Variants in NDUFS4 observed in about 807,000 individuals in gnomAD.
The protein encoded by NDUFS4 is NADH dehydrogenase [ubiquinone] iron-sulfur protein 4, mitochondrial.
Under a neutral mutation model 24.3 loss-of-function variants are expected in NDUFS4, and 28 were observed. The observed-to-expected ratio is 1.15, with a 90% CI of 0.85 to 1.58. The LOEUF is 1.58. NDUFS4 is among the 40% of genes most tolerant of loss of function. The probability of loss-of-function intolerance (pLI) is 0.00; values close to 1 mark genes in which losing one functional copy is unlikely to be tolerated. For synonymous variants in NDUFS4, 93 were observed against 69.7 expected (o/e 1.34, Z -1.67); for missense variants, 223 against 207.9 (o/e 1.07, Z -0.45).
At chr5:53,614,778 A>G (rs545097867) in intron 2 of NDUFS4, among the ~76,000 whole-genome samples, 1 of 152,052 alleles carries the variant, frequency 6.6e-6, no homozygotes, top group South Asian at 2.1e-4. Flanking sequence ...TGTGTATCGT[A>G]CTTGACACTT....
At chr5:53,582,239 A>AT (rs202032142) in intron 1 of NDUFS4, among the ~76,000 whole-genome samples, 10,162 of 147,608 alleles carry the variant, frequency 0.069, 461 homozygotes, top group Middle Eastern at 0.11. Context: ...ATAAAATAAA[A>AT]TAAAATTAAA....
intron 1 of NDUFS4, among the ~76,000 whole-genome samples, chr5:53,575,504 C>G (rs1313164342): frequency 7.7e-5 from 11 of 142,014 alleles, no homozygotes; most frequent in African/African-American, 2.9e-4. Context: ...TAAAATGACT[C>G]AAAATATTCT....
chr5:53,604,109 A>T (rs409313), intron 2 of NDUFS4, among the ~76,000 whole-genome samples: 53,748 of 152,038 alleles, frequency 0.35, 10,434 homozygotes, highest in African/African-American at 0.52. Context: ...CTTATAAAAT[A>T]TTTTAGAGTG....
intron 2 of NDUFS4, among the ~76,000 whole-genome samples, chr5:53,617,234 C>T (rs962788001): frequency 3.3e-5 from 5 of 152,154 alleles, no homozygotes; most frequent in African/African-American, 4.8e-5. Context: ...TTCATCTTAA[C>T]TTTGACTGCA....
intron 3 of NDUFS4, among the ~76,000 whole-genome samples, chr5:53,657,413 C>T (rs1304990698): frequency 6.6e-6 from 1 of 152,140 alleles, no homozygotes; most frequent in African/African-American, 2.4e-5. Context: ...AGAACATTGG[C>T]AGCAGTAATT....
At chr5:53,635,647 G>A (rs1179846662) in intron 2 of NDUFS4, among the ~76,000 whole-genome samples, 1 of 152,160 alleles carries the variant, frequency 6.6e-6, no homozygotes, top group African/African-American at 2.4e-5. Context: ...ATTAAAAAAT[G>A]TATTAGTTTA....
intron 1 of NDUFS4, among the ~76,000 whole-genome samples, chr5:53,594,395 C>T (rs1416752955): frequency 6.6e-6 from 1 of 152,020 alleles, no homozygotes; most frequent in Non-Finnish European, 1.5e-5. Context: ...CTTTTTCCAT[C>T]CCTTTACTTT....
chr5:53,647,798 C>G (rs1344548448), intron 3 of NDUFS4, among the ~76,000 whole-genome samples: 1 of 152,136 alleles, frequency 6.6e-6, no homozygotes, highest in Non-Finnish European at 1.5e-5. Flanking sequence ...GTATAATATT[C>G]AACATCATTG....
At chr5:53,592,396 A>G (rs574450418) in intron 1 of NDUFS4, among the ~76,000 whole-genome samples, 2 of 152,132 alleles carry the variant, frequency 1.3e-5, no homozygotes, top group African/African-American at 4.8e-5. Context: ...AAAGCTGTTA[A>G]TTTCAATGAA....
intron 2 of NDUFS4, among the ~76,000 whole-genome samples, chr5:53,621,247 T>C (rs527540115): frequency 6.6e-6 from 1 of 152,316 alleles, no homozygotes; most frequent in East Asian, 1.9e-4. Flanking sequence ...GATAATAATA[T>C]ATAACTGCCT....
rs76280361 is a variant in NDUFS4 at position 53,568,310 on chromosome 5, A to G, written c.98+7550A>G. ...TCAGATGCCTTGCCCCCCAGTCTAT[A>G]TTGGTTCAGTAAGTTTAGGTTGAGG... On this transcript the variant is annotated intron_variant, in intron 1 of 4. Transcript: ENST00000296684. Among the ~76,000 whole-genome samples, 228 of 151,986 alleles carry G rather than the reference A, an allele frequency of 1.5e-3. 1 individual carries two copies. The highest frequency in any genetic ancestry group is 5.0e-3 in the African/African-American group (207 of 41,466).
intron 4 of NDUFS4, among the ~76,000 whole-genome samples, chr5:53,664,893 G>A (rs1424154671): frequency 1.3e-5 from 2 of 152,170 alleles, no homozygotes; most frequent in Non-Finnish European, 2.9e-5. Flanking sequence ...CTTTGGAGGA[G>A]GAGAAGTGCT....
intron 4 of NDUFS4, among the ~76,000 whole-genome samples, chr5:53,665,139 C>T (rs777220884): frequency 2.0e-5 from 3 of 152,112 alleles, no homozygotes; most frequent in African/African-American, 4.8e-5. Flanking sequence ...GCTGCAGAAC[C>T]GCGGATATTG....
At chr5:53,611,205 G>T (rs941789109) in intron 2 of NDUFS4, among the ~76,000 whole-genome samples, 45 of 140,634 alleles carry the variant, frequency 3.2e-4, no homozygotes, top group Middle Eastern at 3.8e-3. Context: ...AAAACTTGTG[G>T]TTTTTTTTTT....
chr5:53,609,617 A>G (rs1041416729), intron 2 of NDUFS4, among the ~76,000 whole-genome samples: 2 of 152,180 alleles, frequency 1.3e-5, no homozygotes, highest in Admixed American at 1.3e-4. Flanking sequence ...CTTTGAAGCC[A>G]GGCGTTGACT....
chr5:53,658,550 G>A lies in NDUFS4; in HGVS notation c.351-1G>A, dbSNP rs989180511. On this transcript the variant is annotated splice_acceptor_variant, in intron 3 of 4. Coordinates refer to ENST00000296684, the MANE Select transcript of NDUFS4 (RefSeq NM_002495.4). LOFTEE classifies it high-confidence loss of function. ...CTTGGAAAAAAATTTGTTTCTTACA[G>A]GGCTGATCCCTTATCCAACATGGTT... The A allele has an allele frequency of 6.2e-7, 1 of 1,612,778 alleles. No individual in the cohort carries two copies. Among genetic ancestry groups the A allele is most frequent in the Non-Finnish European group, 8.5e-7 (1 of 1,179,174 alleles).
chr5:53,616,427 G>A lies in NDUFS4; in HGVS notation c.177+12897G>A, dbSNP rs193149477. ...TAGCTGGGGTTTGGGTGGAATAGGG[G>A]TCATTTAAGTAGGGCAGTCAACGAA... On this transcript the variant is annotated intron_variant, in intron 2 of 4. Transcript: ENST00000296684. Among the ~76,000 whole-genome samples, 4 of 152,094 alleles carry A rather than the reference G, an allele frequency of 2.6e-5. No individual in the cohort carries two copies. In the East Asian group the frequency reaches 7.7e-4, roughly 29 times the overall value.
intron 2 of NDUFS4, among the ~76,000 whole-genome samples, chr5:53,633,519 A>G (rs1044239883): frequency 6.6e-6 from 1 of 152,144 alleles, no homozygotes; most frequent in Admixed American, 6.5e-5. Flanking sequence ...CACCTCCTTT[A>G]TCCTATCATA....
At chr5:53,598,011 G>A (rs371966274) in intron 1 of NDUFS4, among the ~76,000 whole-genome samples, 2 of 152,244 alleles carry the variant, frequency 1.3e-5, no homozygotes, top group East Asian at 1.9e-4. Context: ...TATGTTCAAC[G>A]TCATATGTCA....
Sources: gnomAD v4.1 joint callset for allele counts (sites outside exome capture counted in the v4.1 genomes callset) on GRCh38, gnomAD v4.1.1 for gene constraint, MANE v1.5 for transcripts, NCBI Gene and HGNC (gene_info 2026-07-23, HGNC 2026-07-21) for gene names.